The following TARS2 variants were observed in gnomAD, a reference collection of about 807,000 sequenced individuals.
TARS2 encodes the protein threonyl-tRNA synthetase 2, mitochondrial.
A neutral mutation model predicts 94.4 loss-of-function variants in TARS2; 61 were observed. The observed-to-expected ratio is 0.65, with a 90% confidence interval of 0.53 to 0.80. The LOEUF (loss-of-function observed/expected upper bound fraction) is 0.80. Ranked by LOEUF, TARS2 falls within the 30% of genes least tolerant of loss-of-function variation. TARS2 has a pLI of 0.00. For missense variants in TARS2, 704 were observed against 902.5 expected (o/e 0.78, Z 2.82); for synonymous variants, 359 against 353.4 (o/e 1.02, Z -0.18).
At chr1:150,494,142 G>A (rs941154022) in intron 7 of TARS2, among the ~76,000 whole-genome samples, 4 of 151,966 alleles carry the variant, frequency 2.6e-5, no homozygotes, top group Admixed American at 6.6e-5. Context: ...TGAGGCAGGC[G>A]GATCACTTGA....
intron 7 of TARS2, among the ~76,000 whole-genome samples, chr1:150,494,472 G>A (rs1669556261): frequency 6.6e-6 from 1 of 151,782 alleles, no homozygotes; most frequent in South Asian, 2.1e-4. Flanking sequence ...AGGTGCGGTG[G>A]TTCACACGTG....
intron 7 of TARS2, among the ~76,000 whole-genome samples, chr1:150,495,343 A>ATG (rs1669614824): frequency 6.6e-6 from 1 of 151,722 alleles, no homozygotes; most frequent in African/African-American, 2.4e-5. Context: ...ATATACACAC[A>ATG]CACACACACG....
chr1:150,492,468 T>G lies in TARS2; in HGVS notation c.753T>G (p.Ile251Met). The part of the protein sequence containing the change: ...QGPHLRHTGQ[I>M]GGLKLLSNSS... ...CCCACCTTCGGCATACTGGACAGAT[T>G]GGAGGACTGAAGCTGCTATCGGTCA... The change falls in exon 7 of 18, where the codon ATT becomes ATG. Residue 251 changes from isoleucine (I) to methionine (M), a missense_variant. Physicochemically the swap from Ile to Met is conservative, Grantham distance 10. Around this residue, in one of 3 missense-constraint regions of TARS2, gnomAD observed 466 missense variants for 609.5 expected, o/e 0.76. Coordinates refer to ENST00000369064, the MANE Select transcript of TARS2 (RefSeq NM_025150.5). 1.2e-6 allele frequency: 2 copies of G among 1,613,826 alleles called. No homozygotes were observed. The highest frequency in any genetic ancestry group is 8.5e-7 in the Non-Finnish European group (1 of 1,179,884).
At chr1:150,495,485 C>T (rs1669622548) in intron 7 of TARS2, among the ~76,000 whole-genome samples, 4 of 150,388 alleles carry the variant, frequency 2.7e-5, no homozygotes, top group African/African-American at 9.8e-5. Flanking sequence ...CAACCTCTGC[C>T]TGCCAGGTTC....
In TARS2 at chr1:150,499,293, G is replaced by A; in HGVS notation, c.1617G>A (p.Lys539=). Residue 539 remains lysine, a splice_region_variant and synonymous_variant, in exon 13 of 18, where the codon AAG becomes AAA. Coordinates refer to ENST00000369064, the MANE Select transcript of TARS2 (RefSeq NM_025150.5). ...GAGATGGTGCCTTCTATGGACCTAAGGTAAGCTTGGGACCCTGGTTAGTGT... is the reference window on the plus strand; with the variant it reads ...GAGATGGTGCCTTCTATGGACCTAAAGTAAGCTTGGGACCCTGGTTAGTGT... ...NSGDGAFYGP[K]IDVHLHDALG... is the part of the protein sequence containing the mutation. The A allele has an allele frequency of 6.2e-7, 1 of 1,613,992 alleles. No homozygotes were observed. The highest frequency in any genetic ancestry group is 8.5e-7 in the Non-Finnish European group (1 of 1,179,960).
At chr1:150,501,335 TGAGACTATG>T (rs1669909525) in intron 13 of TARS2, among the ~76,000 whole-genome samples, 1 of 87,934 alleles carries the variant, frequency 1.1e-5, no homozygotes, top group East Asian at 2.8e-4. Context: ...TTTTTTTTAT[TGAGACTATG>T]TCTCGCTCTG....
intron 13 of TARS2, among the ~76,000 whole-genome samples, chr1:150,501,349 G>T (rs1243170006): frequency 9.0e-6 from 1 of 111,012 alleles, no homozygotes; most frequent in Non-Finnish European, 1.7e-5. Context: ...ACTATGTCTC[G>T]CTCTGCTGCC....
chr1:150,504,349 C>T lies in TARS2; in HGVS notation c.1632C>T (p.Leu544=), dbSNP rs1456436387. 22 of 1,614,070 alleles carry T rather than the reference C, an allele frequency of 1.4e-5. No individual in the cohort carries two copies. Among genetic ancestry groups the T allele is most frequent in the Non-Finnish European group, 1.7e-5 (20 of 1,180,022 alleles). The change falls in exon 14 of 18, where the codon CTC becomes CTT. Residue 544 remains leucine (L), a synonymous_variant. Transcript: ENST00000369064. ...GTTTCCTGTAGATTGACGTGCACCT[C>T]CACGATGCCCTGGGCCGGCCACATC... ...AFYGPKIDVH[L]HDALGRPHQC...
In TARS2 at chr1:150,499,281, C is replaced by A; in HGVS notation, c.1605C>A (p.Phe535Leu). Reference protein sequence around the residue: ...PWDLNSGDGAFYGPKIDVHLH... With the variant: ...PWDLNSGDGALYGPKIDVHLH... ...ACCTCAACTCTGGAGATGGTGCCTT[C>A]TATGGACCTAAGGTAAGCTTGGGAC... Residue 535 changes from phenylalanine to leucine, a missense_variant, in exon 13 of 18, where the codon TTC (phenylalanine) becomes TTA (leucine). Phe to Leu is a conservative substitution (Grantham distance 22). Coordinates refer to ENST00000369064, the MANE Select transcript of TARS2 (RefSeq NM_025150.5). 4 of 1,614,052 alleles carry A rather than the reference C, an allele frequency of 2.5e-6. No homozygotes were observed. The highest frequency in any genetic ancestry group is 1.7e-6 in the Non-Finnish European group (2 of 1,180,010).
At chr1:150,497,304 G>C (rs143796670) in intron 9 of TARS2, among the ~76,000 whole-genome samples, 3 of 152,114 alleles carry the variant, frequency 2.0e-5, no homozygotes, top group African/African-American at 7.2e-5. Flanking sequence ...AAAAAAGGTG[G>C]GGGGGCTGGT....
chr1:150,503,321 G>A (rs1198898821), intron 13 of TARS2, among the ~76,000 whole-genome samples: 1 of 152,156 alleles, frequency 6.6e-6, no homozygotes, highest in Non-Finnish European at 1.5e-5. Context: ...AAGAAACAAA[G>A]GTGGGAGGGG....
intron 3 of TARS2, chr1:150,489,394 A>G: frequency 2.6e-6 from 1 of 378,064 alleles, no homozygotes; most frequent in Non-Finnish European, 5.1e-6. Context: ...AGTCATCTGT[A>G]GTGTATATTC....
rs1194668660 is a variant in TARS2 at position 150,494,795 on chromosome 1, T to C, written c.775-1687T>C. On this transcript the variant is annotated intron_variant, in intron 7 of 17. Transcript: ENST00000369064. ...GCTCACGCCTGTAATCCTAACACTTTGGGAGGCTGAGGCGAGTGAATCACG... is the reference window on the plus strand; with the variant it reads ...GCTCACGCCTGTAATCCTAACACTTCGGGAGGCTGAGGCGAGTGAATCACG... Among the ~76,000 whole-genome samples, 2 of 152,058 alleles carry C rather than the reference T, an allele frequency of 1.3e-5. 1 individual carries two copies. The highest frequency in any genetic ancestry group is 3.9e-4 in the East Asian group (2 of 5,158).
intron 3 of TARS2, among the ~76,000 whole-genome samples, chr1:150,490,092 CCTT>C (rs1204749274): frequency 1.4e-5 from 2 of 147,108 alleles, no homozygotes; most frequent in East Asian, 2.0e-4. Flanking sequence ...AAAATACTGG[CCTT>C]CTTTCTTTTC....
rs753644596 is a variant in TARS2, at chr1:150,504,620, T to C, written c.1719-12T>C. 11 of 1,613,182 alleles carry C rather than the reference T, an allele frequency of 6.8e-6. No individual in the cohort carries two copies. Among genetic ancestry groups the C allele is most frequent in the Non-Finnish European group, 8.5e-6 (10 of 1,179,482 alleles). ...CCACCATTCCATCCACCCCCCCCTT[T>C]TTCCTTTCAAGGCAGGCGGGTGCCC... On this transcript the variant is annotated splice_polypyrimidine_tract_variant and intron_variant, in intron 14 of 17. Coordinates refer to ENST00000369064, the MANE Select transcript of TARS2 (RefSeq NM_025150.5).
At position 150,504,698 on chromosome 1, in the gene TARS2, G is replaced by A; in HGVS notation, c.1785G>A (p.Leu595=). ...HRAVLGSVER[L]LGVLAESCGG... ...CAGTGCTCGGTTCTGTGGAAAGACTGTTGGGAGTGCTGGCAGAAAGCTGCG... is the reference window on the plus strand; with the variant it reads ...CAGTGCTCGGTTCTGTGGAAAGACTATTGGGAGTGCTGGCAGAAAGCTGCG... Residue 595 remains leucine, a synonymous_variant, in exon 15 of 18, where the codon CTG becomes CTA. Coordinates refer to ENST00000369064, the MANE Select transcript of TARS2 (RefSeq NM_025150.5). 2 of 1,614,228 alleles carry A rather than the reference G, an allele frequency of 1.2e-6. No homozygotes were observed. Among genetic ancestry groups the A allele is most frequent in the East Asian group, 2.2e-5 (1 of 44,888 alleles).
intron 13 of TARS2, among the ~76,000 whole-genome samples, chr1:150,501,293 C>CA (rs58418387): frequency 1.8e-5 from 2 of 113,378 alleles, no homozygotes; most frequent in East Asian, 2.7e-4. Flanking sequence ...CTCGTCTCTA[C>CA]AAAAAAAAAT....
At chr1:150,506,484 G>GCACACA (rs777723888) in intron 17 of TARS2, among the ~76,000 whole-genome samples, 4,392 of 93,474 alleles carry the variant, frequency 0.047, 225 homozygotes, top group Middle Eastern at 0.11. Flanking sequence ...AGACACGCGC[G>GCACACA]CGCACACACA....
At chr1:150,504,873 C>G (rs957087767) in intron 15 of TARS2, 33 bp from the exon 16 acceptor site, 1 of 1,613,474 alleles carries the variant, frequency 6.2e-7, no homozygotes, top group African/African-American at 1.3e-5. Flanking sequence ...GCCAGAGTGA[C>G]TAATTTGCCA....
Sources: allele counts gnomAD v4.1 joint callset (sites outside exome capture counted in the v4.1 genomes callset), GRCh38; gene constraint gnomAD v4.1.1; regional missense constraint gnomAD v4.1.1; transcripts MANE v1.5; gene names NCBI Gene and HGNC (gene_info 2026-07-23, HGNC 2026-07-21).